Variants in PCDH9 observed in about 807,000 individuals in gnomAD.
PCDH9 encodes protocadherin-9.
A neutral mutation model predicts 70.6 loss-of-function variants in PCDH9; 24 were observed. The ratio of observed to expected loss-of-function variants is 0.34; its 90% confidence interval spans 0.25 to 0.48. The LOEUF (loss-of-function observed/expected upper bound fraction) is 0.48, where lower values mean the gene tolerates loss of function less well. PCDH9 is among the 20% of genes least tolerant of loss of function. The probability of loss-of-function intolerance (pLI) is 0.99; values close to 1 mark genes in which losing one functional copy is unlikely to be tolerated. For synonymous variants in PCDH9, 562 were observed against 558.5 expected (o/e 1.01, Z -0.09); for missense variants, 1,281 against 1,503.6 (o/e 0.85, Z 2.45).
chr13:66,472,010 A>G (rs544841314), intron 4 of PCDH9, among the ~76,000 whole-genome samples: 1 of 152,202 alleles, frequency 6.6e-6, no homozygotes, highest in South Asian at 2.1e-4. Flanking sequence ...CAGGAGTTCG[A>G]AACGAGCTTG....
chr13:66,377,711 G>A (rs1314230106), intron 4 of PCDH9, among the ~76,000 whole-genome samples: 1 of 152,178 alleles, frequency 6.6e-6, no homozygotes, highest in Non-Finnish European at 1.5e-5. Flanking sequence ...ACAAACAAAT[G>A]TGACTTAGCA....
chr13:67,216,705 T>TATATATATATATATATATATATATATAC (rs2089613758), intron 2 of PCDH9: 1 of 144,108 alleles, frequency 6.9e-6, no homozygotes, highest in African/African-American at 2.5e-5. Flanking sequence ...TATATATATA[T>TATATATATATATATATATATATATATAC]ATGGATATAT....
intron 3 of PCDH9, among the ~76,000 whole-genome samples, chr13:66,881,707 T>C (rs1256489042): frequency 6.6e-6 from 1 of 152,208 alleles, no homozygotes; most frequent in Non-Finnish European, 1.5e-5. Context: ...ATATGTTTTC[T>C]AGAATTCTAT....
chr13:67,117,807 T>TA (rs1318555350), intron 2 of PCDH9, among the ~76,000 whole-genome samples: 4 of 152,090 alleles, frequency 2.6e-5, no homozygotes, highest in Non-Finnish European at 5.9e-5. Context: ...TTTTGAGTTA[T>TA]AAAAATGTCA....
At chr13:66,425,397 C>A (rs1472788140) in intron 4 of PCDH9, among the ~76,000 whole-genome samples, 1 of 151,638 alleles carries the variant, frequency 6.6e-6, no homozygotes, top group African/African-American at 2.4e-5. Flanking sequence ...AAGTTTCCTA[C>A]AGCCTGCCAA....
chr13:67,018,240 C>T (rs926839395), intron 2 of PCDH9, among the ~76,000 whole-genome samples: 17 of 151,966 alleles, frequency 1.1e-4, no homozygotes, highest in African/African-American at 3.6e-4. Context: ...AATGAACTTG[C>T]AATTTAGTTA....
chr13:66,944,639 C>T (rs1035207614), intron 2 of PCDH9, among the ~76,000 whole-genome samples: 1 of 152,152 alleles, frequency 6.6e-6, no homozygotes. Flanking sequence ...GGAAAACACA[C>T]TTTATGCTAT....
chr13:66,470,191 T>C (rs1958591096), intron 4 of PCDH9, among the ~76,000 whole-genome samples: 1 of 152,136 alleles, frequency 6.6e-6, no homozygotes, highest in African/African-American at 2.4e-5. Flanking sequence ...TCCTTGCTAG[T>C]TTGAATTGTG....
intron 2 of PCDH9, among the ~76,000 whole-genome samples, chr13:67,079,216 T>G (rs1013431718): frequency 1.9e-4 from 29 of 151,684 alleles, no homozygotes; most frequent in Non-Finnish European, 1.2e-4. Context: ...TTTTGTAGAG[T>G]ACAAAAAGCA....
At chr13:66,653,424 T>C (rs2077880294) in intron 3 of PCDH9, among the ~76,000 whole-genome samples, 1 of 152,164 alleles carries the variant, frequency 6.6e-6, no homozygotes, top group African/African-American at 2.4e-5. Flanking sequence ...TCAACATCAT[T>C]GATCATCAGA....
At chr13:66,946,882 A>C (rs17791001) in intron 2 of PCDH9, among the ~76,000 whole-genome samples, 24,395 of 152,176 alleles carry the variant, frequency 0.16, 2,146 homozygotes, top group Non-Finnish European at 0.18. Context: ...CATATGCCTT[A>C]TACAAAATTT....
intron 2 of PCDH9, chr13:67,213,759 G>A (rs1436659246): frequency 6.6e-6 from 1 of 152,070 alleles, no homozygotes; most frequent in African/African-American, 2.4e-5. Flanking sequence ...TTAAATTCTT[G>A]TCTTATGAAA....
At chr13:66,562,878 C>T (rs2076595647) in intron 4 of PCDH9, among the ~76,000 whole-genome samples, 1 of 152,082 alleles carries the variant, frequency 6.6e-6, no homozygotes, top group African/African-American at 2.4e-5. Flanking sequence ...TTATACTCCT[C>T]ATTCATATTA....
At chr13:66,893,546 G>C (rs920341004) in intron 3 of PCDH9, among the ~76,000 whole-genome samples, 2 of 152,066 alleles carry the variant, frequency 1.3e-5, no homozygotes, top group Admixed American at 6.6e-5. Flanking sequence ...CAATCAAAGT[G>C]TTTTAAAGAA....
At chr13:66,523,333 C>A (rs768713846) in intron 4 of PCDH9, among the ~76,000 whole-genome samples, 8 of 151,774 alleles carry the variant, frequency 5.3e-5, no homozygotes, top group Non-Finnish European at 1.2e-4. Context: ...ACTATTATGA[C>A]CATTTAACAG....
At chr13:66,780,239 T>C (rs545709235) in intron 3 of PCDH9, among the ~76,000 whole-genome samples, 1 of 152,286 alleles carries the variant, frequency 6.6e-6, no homozygotes, top group African/African-American at 2.4e-5. Context: ...TAAAACTTAT[T>C]ACAGAGTAAA....
chr13:66,844,757 T>A (rs922068052), intron 3 of PCDH9, among the ~76,000 whole-genome samples: 2 of 152,188 alleles, frequency 1.3e-5, no homozygotes, highest in Non-Finnish European at 2.9e-5. Context: ...GTCCATGTTT[T>A]TGAAGTAATT....
intron 4 of PCDH9, among the ~76,000 whole-genome samples, chr13:66,353,374 G>A (rs1257409331): frequency 6.6e-6 from 1 of 152,060 alleles, no homozygotes; most frequent in African/African-American, 2.4e-5. Context: ...GCTAGCAGGC[G>A]GTAGATAGTT....
chr13:67,028,693 C>T (rs2084842751), intron 2 of PCDH9, among the ~76,000 whole-genome samples: 1 of 151,968 alleles, frequency 6.6e-6, no homozygotes, highest in Non-Finnish European at 1.5e-5. Flanking sequence ...TTTGTCCTTT[C>T]ATCCTAAACA....
Sources: gnomAD v4.1 joint callset for allele counts (sites outside exome capture counted in the v4.1 genomes callset) on GRCh38, gnomAD v4.1.1 for gene constraint, MANE v1.5 for transcripts, NCBI Gene and HGNC (gene_info 2026-07-23, HGNC 2026-07-21) for gene names.